RMND5A: variants seen among roughly 807,000 people sequenced by gnomAD.
The protein encoded by RMND5A is E3 ubiquitin-protein transferase RMND5A.
A neutral mutation model predicts 49.7 loss-of-function variants in RMND5A; 17 were observed. The ratio of observed to expected loss-of-function variants is 0.34; its 90% CI spans 0.23 to 0.51. RMND5A has a LOEUF of 0.51. Among genes scored for constraint, RMND5A ranks in the 20% least tolerant of loss-of-function variants. RMND5A has a pLI of 0.96. For synonymous variants in RMND5A, 156 were observed against 167.7 expected (o/e 0.93, Z 0.54); for missense variants, 255 against 471.3 (o/e 0.54, Z 4.25).
rs59511898 is a variant in RMND5A at position 86,766,661 on chromosome 2, C to CAAAAAA, written c.854+653_854+658dup. On this transcript the variant is annotated intron_variant, in intron 6 of 8. Transcript: ENST00000283632. ...CCCGTGCAACAATGCGAGACTGTCTCAAAAAAAAAAAAAAAAAAAAAGAAA... is the reference window on the plus strand; with the variant it reads ...CCCGTGCAACAATGCGAGACTGTCTCAAAAAAAAAAAAAAAAAAAAAAAAAAAGAAA... Among the ~76,000 whole-genome samples the CAAAAAA allele has an allele frequency of 4.4e-4, 34 of 76,748 alleles. 1 individual carries two copies. Among genetic ancestry groups the CAAAAAA allele is most frequent in the African/African-American group, 5.3e-4 (10 of 18,736 alleles). 50.3% of individuals were successfully genotyped at this position (76,748 alleles called of 152,430 possible).
intron 6 of RMND5A, among the ~76,000 whole-genome samples, chr2:86,767,151 C>T (rs1672612383): frequency 6.6e-6 from 1 of 152,170 alleles, no homozygotes; most frequent in Non-Finnish European, 1.5e-5. Context: ...GCAGCCTCCA[C>T]CTCTTGGGTT....
intron 4 of RMND5A, among the ~76,000 whole-genome samples, chr2:86,756,840 G>C (rs1398077193): frequency 6.6e-6 from 1 of 152,160 alleles, no homozygotes; most frequent in Non-Finnish European, 1.5e-5. Context: ...AATTCCTCCA[G>C]ACTGCCTATG....
chr2:86,758,229 C>T (rs1259739975), intron 4 of RMND5A, among the ~76,000 whole-genome samples: 1 of 152,206 alleles, frequency 6.6e-6, no homozygotes, highest in Non-Finnish European at 1.5e-5. Context: ...AGTTACTCTC[C>T]AAACAGGCAG....
intron 4 of RMND5A, among the ~76,000 whole-genome samples, chr2:86,755,359 T>C (rs1365504440): frequency 6.6e-6 from 1 of 152,230 alleles, no homozygotes; most frequent in Admixed American, 6.5e-5. Flanking sequence ...CCTCAAGTGA[T>C]CCTCCTGGAG....
At chr2:86,745,030 T>A (rs1681514326) in intron 2 of RMND5A, among the ~76,000 whole-genome samples, 1 of 151,546 alleles carries the variant, frequency 6.6e-6, no homozygotes, top group African/African-American at 2.4e-5. Context: ...TTAGTAAAAA[T>A]AATGTATTTG....
intron 2 of RMND5A, chr2:86,748,231 T>TATA (rs1350570366): frequency 6.6e-6 from 1 of 152,228 alleles, no homozygotes; most frequent in Non-Finnish European, 1.5e-5. Context: ...AACCTGCAGT[T>TATA]ATAACAAAAG....
chr2:86,763,164 TC>T (rs1374852815), intron 4 of RMND5A, among the ~76,000 whole-genome samples: 4 of 150,090 alleles, frequency 2.7e-5, no homozygotes, highest in Admixed American at 2.0e-4. Flanking sequence ...TTCGTTTTTT[TC>T]TATTGACTTT....
chr2:86,734,356 AT>A lies in RMND5A; in HGVS notation c.143-6568del, dbSNP rs1196697622. 2.7e-5 allele frequency among the ~76,000 whole-genome samples: 4 copies of A among 149,792 alleles called. 1 individual carries two copies. Among genetic ancestry groups the A allele is most frequent in the Middle Eastern group, 6.8e-3 (2 of 294 alleles). On this transcript the variant is annotated intron_variant, in intron 1 of 8. Coordinates refer to ENST00000283632, the MANE Select transcript of RMND5A (RefSeq NM_022780.4). ...AACTCCAGATATGTAAGTTACTACG[AT>A]TTGAAAATATCAGTGGATTTCAAGG...
chr2:86,764,153 C>T (rs1422225325), intron 4 of RMND5A, among the ~76,000 whole-genome samples: 1 of 152,014 alleles, frequency 6.6e-6, no homozygotes, highest in Non-Finnish European at 1.5e-5. Context: ...GTATTCTTAC[C>T]CAGTTCAGAT....
At chr2:86,773,184 T>C (rs964656671) in intron 8 of RMND5A, among the ~76,000 whole-genome samples, 164 bp from the exon 9 acceptor site, 1 of 152,342 alleles carries the variant, frequency 6.6e-6, no homozygotes, top group East Asian at 1.9e-4. Context: ...GCAGTTATAT[T>C]AAGGGAAAGC....
intron 2 of RMND5A, among the ~76,000 whole-genome samples, chr2:86,743,226 G>A (rs1033104976): frequency 9.9e-5 from 15 of 152,144 alleles, no homozygotes; most frequent in African/African-American, 3.4e-4. Context: ...AAACATGGAA[G>A]TATCTTTTTG....
At position 86,774,024 on chromosome 2, in the gene RMND5A, G is replaced by C. The variant is rs1672725956; in HGVS notation, c.*613G>C. The C allele has an allele frequency of 6.6e-6, 1 of 152,654 alleles. No individual in the cohort carries two copies. The highest frequency in any genetic ancestry group is 2.1e-4 in the South Asian group (1 of 4,824). 9.5% of individuals were successfully genotyped at this position (152,654 alleles called of 1,614,324 possible). Reference sequence around the variant, plus strand: ...TTAGCTCTGCATGCAGCCCCAGCAGGCTGCGTGTTTAAGAATTTCATTGTT... The same window carrying C: ...TTAGCTCTGCATGCAGCCCCAGCAGCCTGCGTGTTTAAGAATTTCATTGTT... On this transcript the variant is annotated 3_prime_UTR_variant, in exon 9 of 9. Transcript: ENST00000283632.
At chr2:86,763,889 A>G (rs1672547097) in intron 4 of RMND5A, among the ~76,000 whole-genome samples, 1 of 152,204 alleles carries the variant, frequency 6.6e-6, no homozygotes, top group African/African-American at 2.4e-5. Context: ...TTAGGTAAAT[A>G]TTTCCAAGAT....
At chr2:86,761,521 T>C (rs1003992895) in intron 4 of RMND5A, among the ~76,000 whole-genome samples, 2 of 152,202 alleles carry the variant, frequency 1.3e-5, no homozygotes, top group Non-Finnish European at 2.9e-5. Flanking sequence ...CTTCAATGTT[T>C]GGGAGAGTTA....
chr2:86,760,609 G>A (rs866566549), intron 4 of RMND5A, among the ~76,000 whole-genome samples: 1 of 152,164 alleles, frequency 6.6e-6, no homozygotes, highest in Non-Finnish European at 1.5e-5. Context: ...TCTACTGTCA[G>A]TTACTCTCAG....
intron 2 of RMND5A, among the ~76,000 whole-genome samples, chr2:86,745,008 ATT>A (rs10707332): frequency 4.8e-4 from 72 of 149,602 alleles, no homozygotes; most frequent in East Asian, 2.8e-3. Context: ...TTCTGTGACA[ATT>A]TTTTTTTTTT....
chr2:86,768,220 C>G (rs894333300), intron 6 of RMND5A, among the ~76,000 whole-genome samples: 3 of 152,140 alleles, frequency 2.0e-5, no homozygotes, highest in Admixed American at 2.0e-4. Context: ...TAAAGGGGTC[C>G]TGAAACCAAA....
chr2:86,764,982 TG>T (rs1227097505), intron 4 of RMND5A, 44 bp from the exon 5 acceptor site: 1 of 1,555,704 alleles, frequency 6.4e-7, no homozygotes, highest in Admixed American at 2.1e-5. Flanking sequence ...TAAGACACCT[TG>T]CTTATGCTTT....
At chr2:86,729,283 G>T (rs115426042) in intron 1 of RMND5A, among the ~76,000 whole-genome samples, 5,695 of 145,258 alleles carry the variant, frequency 0.039, 320 homozygotes, top group African/African-American at 0.14. Flanking sequence ...TGCTTCTGGT[G>T]AGTACAGACA....
Sources: allele counts gnomAD v4.1 joint callset (sites outside exome capture counted in the v4.1 genomes callset), GRCh38; gene constraint gnomAD v4.1.1; transcripts MANE v1.5; gene names NCBI Gene and HGNC (gene_info 2026-07-23, HGNC 2026-07-21).